Variants in TRIM46 observed in about 807,000 individuals in gnomAD.
TRIM46 encodes tripartite motif-containing protein 46.
A neutral mutation model predicts 69.7 loss-of-function variants in TRIM46; 17 were observed. The ratio of observed to expected loss-of-function variants is 0.24; its 90% CI spans 0.17 to 0.37. The LOEUF is 0.37. Ranked by LOEUF, TRIM46 falls within the 10% of genes least tolerant of loss-of-function variation. The pLI, the probability that TRIM46 is intolerant of heterozygous loss-of-function variation, is 1.00. For missense variants in TRIM46, 675 were observed against 1,025.1 expected, an observed-to-expected ratio of 0.66 and a Z score of 4.66; for synonymous variants, 391 against 429.0, an observed-to-expected ratio of 0.91 and a Z score of 1.09.
Position 155,176,792 on chromosome 1 carries a change from G to C in TRIM46, c.670-140G>C, listed in dbSNP as rs796587857. On this transcript the variant is annotated intron_variant, in intron 3 of 9. Coordinates refer to ENST00000334634, the MANE Select transcript of TRIM46 (RefSeq NM_025058.5). ...TCTTTGATGCCAGTATGTACCACCA[G>C]GTGGCACTGTGGAGCACCACCAGCG... The C allele has an allele frequency of 3.6e-5, 38 of 1,065,868 alleles. No homozygotes were observed. The Middle Eastern group carries it at 1.1e-3, about 31-fold the overall frequency. 66.0% of individuals were successfully genotyped at this position (1,065,868 alleles called of 1,614,324 possible). A position where few individuals can be genotyped will look rare whatever the true frequency, so the allele number is the denominator to read the frequency against.
Position 155,184,204 on chromosome 1 carries a change from C to G in TRIM46, c.*14C>G. The G allele has an allele frequency of 6.3e-7, 1 of 1,583,818 alleles. No homozygotes were observed. The highest frequency in any genetic ancestry group is 8.6e-7 in the Non-Finnish European group (1 of 1,164,532). The stretch of plus-strand genomic sequence containing the variant: ...AAGCTGGACTGAGCCTTCCAGGCCC[C>G]TCATGCAGACCTGGGGTCCTCCTGG... On this transcript the variant is annotated 3_prime_UTR_variant, in exon 10 of 10. Transcript: ENST00000334634. The surrounding 1 kb of genome is among the most constrained non-coding windows in gnomAD (Gnocchi z 5.6).
At chr1:155,178,434 G>A (rs1056897741) in intron 6 of TRIM46, 58 bp from the exon 7 acceptor site, 1 of 1,609,080 alleles carries the variant, frequency 6.2e-7, no homozygotes, top group African/African-American at 1.3e-5. Context: ...AGACAGAATT[G>A]AGGGGAAGGG....
At chr1:155,178,935 A>T in intron 7 of TRIM46, 1 of 972,664 alleles carries the variant, frequency 1.0e-6, no homozygotes, top group Non-Finnish European at 1.4e-6. Context: ...CCAACCACTC[A>T]TTGCTTCCTT....
chr1:155,178,635 A>G, intron 7 of TRIM46, 22 bp downstream of exon 7: 2 of 1,609,788 alleles, frequency 1.2e-6, no homozygotes, highest in East Asian at 2.2e-5. Flanking sequence ...GCCAGGCCCC[A>G]TGCCCAACCA....
At chr1:155,179,017 C>T (rs11264341) in intron 7 of TRIM46, among the ~76,000 whole-genome samples, 61,807 of 152,158 alleles carry the variant, frequency 0.41, 13,351 homozygotes, top group East Asian at 0.72. Context: ...CTGCCTTCTT[C>T]AGGCGCTTGC....
In TRIM46 at chr1:155,177,247, A is replaced by C; in HGVS notation, c.866A>C (p.Gln289Pro). The C allele has an allele frequency of 6.2e-7, 1 of 1,614,168 alleles. No individual in the cohort carries two copies. Among genetic ancestry groups the C allele is most frequent in the Non-Finnish European group, 8.5e-7 (1 of 1,180,010 alleles). The change falls in exon 5 of 10, where the codon CAG becomes CCG. Residue 289 changes from glutamine (Q) to proline (P), a missense_variant. Gln to Pro is a moderately conservative substitution (Grantham distance 76). Around this residue, in one of 5 missense-constraint regions of TRIM46, gnomAD observed 361 missense variants for 498.3 expected, o/e 0.72. Coordinates refer to ENST00000334634, the MANE Select transcript of TRIM46 (RefSeq NM_025058.5). The part of the protein sequence containing the change: ...TYILGNQDTV[Q>P]TQICELEEAV... ...ATCCTGGGAAACCAGGACACGGTAC[A>C]GACCCAGATCTGTGAGCTGGAGGAG...
intron 9 of TRIM46, 134 bp downstream of exon 9, chr1:155,182,283 A>C: frequency 1.8e-6 from 2 of 1,084,924 alleles, no homozygotes; most frequent in Non-Finnish European, 2.6e-6. Context: ...AGGAGCCTGG[A>C]AGCCAGGCTG....
At chr1:155,182,396 AG>A in intron 9 of TRIM46, 1 of 576,178 alleles carries the variant, frequency 1.7e-6, no homozygotes, top group Non-Finnish European at 3.1e-6. Context: ...TAGAAGAGGG[AG>A]CCATCTCTGC....
chr1:155,179,499 G>A, intron 7 of TRIM46, 133 bp from the exon 8 acceptor site: 1 of 763,822 alleles, frequency 1.3e-6, no homozygotes, highest in African/African-American at 1.8e-5. Context: ...TCCCAGATGA[G>A]CCCTTCCCCA....
chr1:155,178,711 C>T, intron 7 of TRIM46, 98 bp downstream of exon 7: 1 of 1,558,282 alleles, frequency 6.4e-7, no homozygotes, highest in Non-Finnish European at 8.6e-7. Flanking sequence ...ACCTCCCCGG[C>T]CTCCTGCCCG....
Position 155,177,275 on chromosome 1 carries a change from C to G in TRIM46, c.894C>G (p.Ala298=), listed in dbSNP as rs1369660068. 6.2e-7 allele frequency: 1 copy of G among 1,613,930 alleles called. No homozygotes were observed. Among genetic ancestry groups the G allele is most frequent in the East Asian group, 2.2e-5 (1 of 44,890 alleles). Residue 298 remains alanine, a synonymous_variant, in exon 5 of 10, where the codon GCC becomes GCG. Transcript: ENST00000334634. ...VQTQICELEE[A]VRHTEVSGQQ... ...CCCAGATCTGTGAGCTGGAGGAGGCCGTGAGGCACACCGAGGTGAGGGAGG... is the reference window on the plus strand; with the variant it reads ...CCCAGATCTGTGAGCTGGAGGAGGCGGTGAGGCACACCGAGGTGAGGGAGG...
chr1:155,184,064 G>A lies in TRIM46; in HGVS notation c.2154G>A (p.Leu718=), dbSNP rs200192090. Residue 718 remains leucine, a synonymous_variant, in exon 10 of 10, where the codon CTG becomes CTA. Coordinates refer to ENST00000334634, the MANE Select transcript of TRIM46 (RefSeq NM_025058.5). The surrounding 1 kb of genome is among the most constrained non-coding windows in gnomAD (Gnocchi z 5.6). The part of the protein sequence containing the change: ...VSFRGLLECP[L]DCSGPVCPAF... ...TCCGTGGGCTCTTGGAGTGCCCCCT[G>A]GACTGCTCAGGGCCTGTGTGCCCTG... 1 of 1,614,104 alleles carries A rather than the reference G, an allele frequency of 6.2e-7. No individual in the cohort carries two copies. The highest frequency in any genetic ancestry group is 2.2e-5 in the East Asian group (1 of 44,890).
chr1:155,183,071 C>T (rs1218258033), intron 9 of TRIM46, among the ~76,000 whole-genome samples: 3 of 151,814 alleles, frequency 2.0e-5, no homozygotes, highest in Non-Finnish European at 2.9e-5. Context: ...CCACCATGCC[C>T]AGCTAATTTT....
Position 155,179,831 on chromosome 1 carries a change from C to A in TRIM46, c.1485C>A (p.Asn495Lys), listed in dbSNP as rs1252439611. ...EVRGTSALLE[N>K]PDTGSVYVLR... ...GGGGCACCAGTGCCCTGCTTGAGAA[C>A]CCCGACACGGGCTCTGTGTATGTGC... is the stretch of plus-strand genomic sequence containing the variant. Residue 495 changes from asparagine to lysine, a missense_variant, in exon 8 of 10, where the codon AAC becomes AAA. Around this residue, in one of 5 missense-constraint regions of TRIM46, gnomAD observed 361 missense variants for 498.3 expected, o/e 0.72. Transcript: ENST00000334634. 6.2e-7 allele frequency: 1 copy of A among 1,613,376 alleles called. No homozygotes were observed. Among genetic ancestry groups the A allele is most frequent in the South Asian group, 1.1e-5 (1 of 91,042 alleles).
rs1369660068 is a variant in TRIM46 at position 155,177,275 on chromosome 1, C to T, written c.894C>T (p.Ala298=). The change falls in exon 5 of 10, where the codon GCC becomes GCT. Residue 298 remains alanine (A), a synonymous_variant. Coordinates refer to ENST00000334634, the MANE Select transcript of TRIM46 (RefSeq NM_025058.5). ...CCCAGATCTGTGAGCTGGAGGAGGC[C>T]GTGAGGCACACCGAGGTGAGGGAGG... ...VQTQICELEE[A]VRHTEVSGQQ... The T allele has an allele frequency of 8.7e-6, 14 of 1,613,932 alleles. No individual in the cohort carries two copies. Among genetic ancestry groups the T allele is most frequent in the Middle Eastern group, 3.3e-4 (2 of 6,084 alleles).
In TRIM46 at chr1:155,179,708, C is replaced by T. The variant is rs781485634; in HGVS notation, c.1362C>T (p.Pro454=). ...DQIFLCWRLP[P]HSPPAWHYTV... is the part of the protein sequence containing the mutation. ...TCTTCCTGTGCTGGCGGCTGCCCCC[C>T]CATTCACCACCTGCCTGGCACTATA... Residue 454 remains proline, a synonymous_variant, in exon 8 of 10, where the codon CCC becomes CCT. Transcript: ENST00000334634. 1 of 1,613,582 alleles carries T rather than the reference C, an allele frequency of 6.2e-7. No individual in the cohort carries two copies. The highest frequency in any genetic ancestry group is 8.5e-7 in the Non-Finnish European group (1 of 1,180,002).
chr1:155,179,920 C>A lies in TRIM46; in HGVS notation c.1574C>A (p.Thr525Lys), dbSNP rs765613594. The change falls in exon 8 of 10, where the codon ACG becomes AAG. Residue 525 changes from threonine to lysine, a missense_variant. Thr to Lys is a moderately conservative substitution (Grantham distance 78). Around this residue, in one of 5 missense-constraint regions of TRIM46, gnomAD observed 361 missense variants for 498.3 expected, o/e 0.72. Transcript: ENST00000334634. ...TACAGTGAAGATGTGCACCTGCACA[C>A]GCCCCCGGCACCTGGTGAGTGGGCA... ...GEYSEDVHLH[T>K]PPAPVLHFFL... 6.3e-7 allele frequency: 1 copy of A among 1,577,818 alleles called. No individual in the cohort carries two copies. The highest frequency in any genetic ancestry group is 8.6e-7 in the Non-Finnish European group (1 of 1,156,726).
intron 9 of TRIM46, 82 bp downstream of exon 9, chr1:155,182,231 A>C: frequency 1.5e-6 from 2 of 1,323,168 alleles, no homozygotes; most frequent in Non-Finnish European, 2.1e-6. Flanking sequence ...TGGAGCACAG[A>C]CTTGCTAGGG....
In TRIM46 at chr1:155,181,268, A is replaced by G. The variant is rs912214759; in HGVS notation, c.1589-584A>G. Among the ~76,000 whole-genome samples the G allele has an allele frequency of 6.6e-6, 1 of 152,226 alleles. No homozygotes were observed. Among genetic ancestry groups the G allele is most frequent in the African/African-American group, 2.4e-5 (1 of 41,444 alleles). ...AACATATATATATTTTTAAAAAATG[A>G]TAATGCTTACCTCATAGAGTTGCAA... On this transcript the variant is annotated intron_variant, in intron 8 of 9. Transcript: ENST00000334634. The surrounding 1 kb of genome is among the most constrained non-coding windows in gnomAD (Gnocchi z 4.3).
Sources: allele counts gnomAD v4.1 joint callset (sites outside exome capture counted in the v4.1 genomes callset), GRCh38; gene constraint gnomAD v4.1.1; regional missense constraint gnomAD v4.1.1; non-coding constraint Gnocchi (gnomAD v3.1); transcripts MANE v1.5; gene names NCBI Gene and HGNC (gene_info 2026-07-23, HGNC 2026-07-21).